GLYATL1: variants seen among roughly 807,000 people sequenced by gnomAD.
GLYATL1 encodes the protein glycine-N-acyltransferase like 1, also known as glycine N-acyltransferase-like protein 1.
In GLYATL1, 15 loss-of-function variants were observed where a neutral mutation model predicts 20.0. The observed-to-expected ratio is 0.75, with a 90% CI of 0.50 to 1.15. The LOEUF (loss-of-function observed/expected upper bound fraction) is 1.15, where lower values mean the gene tolerates loss of function less well. Ranked by LOEUF, GLYATL1 falls within the 50% of genes most tolerant of loss-of-function variation. GLYATL1 has a pLI of 0.00. For synonymous variants in GLYATL1, 151 were observed against 131.5 expected (o/e 1.15, Z -1.01); for missense variants, 380 against 368.5 (o/e 1.03, Z -0.26).
chr11:58,931,700 GAAC>G (rs1183543764), intron 1 of GLYATL1, among the ~76,000 whole-genome samples: 1 of 152,004 alleles, frequency 6.6e-6, no homozygotes, highest in Non-Finnish European at 1.5e-5. Context: ...ACAATAAAAT[GAAC>G]AACTCCTGTT....
chr11:58,947,316 G>A (rs1420480336), intron 3 of GLYATL1, 151 bp downstream of exon 3: 1 of 1,099,222 alleles, frequency 9.1e-7, no homozygotes, highest in East Asian at 2.6e-5. Flanking sequence ...CATATCAAGA[G>A]CTGCTGCTTC....
intron 1 of GLYATL1, among the ~76,000 whole-genome samples, chr11:58,931,589 T>C (rs1371402390): frequency 6.6e-6 from 1 of 152,196 alleles, no homozygotes; most frequent in Non-Finnish European, 1.5e-5. Context: ...CCAGATTACA[T>C]ACTTGAATGG....
chr11:58,953,390 G>GTTTTTTTTTTTT (rs377318573), intron 4 of GLYATL1, among the ~76,000 whole-genome samples: 1 of 110,970 alleles, frequency 9.0e-6, no homozygotes, highest in Non-Finnish European at 1.9e-5. Flanking sequence ...CTTACAGTCT[G>GTTTTTTTTTTTT]TTTTTTTTTT....
intron 1 of GLYATL1, among the ~76,000 whole-genome samples, chr11:58,922,568 G>T (rs1267433747): frequency 6.6e-6 from 1 of 152,114 alleles, no homozygotes. Flanking sequence ...CGGTGAGACT[G>T]GGGACATGTA....
rs542883848 is a variant in GLYATL1 at position 58,946,129 on chromosome 11, T to G, written c.-42-917T>G. On this transcript the variant is annotated intron_variant, in intron 2 of 6. Transcript: ENST00000532726. ...ACATTTTTAATTATTTTTACATCAT[T>G]GAATATAATTGCTAAATCTCTATAT... 2.0e-5 allele frequency among the ~76,000 whole-genome samples: 3 copies of G among 152,314 alleles called. No individual in the cohort carries two copies. The South Asian group carries it at 6.2e-4, about 32-fold the overall frequency.
At chr11:58,922,558 C>T (rs986856788) in intron 1 of GLYATL1, among the ~76,000 whole-genome samples, 3 of 152,154 alleles carry the variant, frequency 2.0e-5, no homozygotes, top group African/African-American at 4.8e-5. Flanking sequence ...CCTCCCTCTC[C>T]GGTGAGACTG....
chr11:58,921,679 G>A (rs144547349), intron 1 of GLYATL1, among the ~76,000 whole-genome samples: 74 of 152,290 alleles, frequency 4.9e-4, no homozygotes, highest in African/African-American at 1.7e-3. Context: ...CCCTTGCAAA[G>A]CCAGCTTCTC....
At chr11:58,943,167 T>C (rs2135190028) in intron 1 of GLYATL1, 2 of 1,189,996 alleles carry the variant, frequency 1.7e-6, no homozygotes, top group Non-Finnish European at 1.1e-6. Flanking sequence ...ATTTGAGTCC[T>C]TGTGGGTAAA....
chr11:58,926,406 G>A (rs536311128), upstream of GLYATL1, among the ~76,000 whole-genome samples: 9 of 152,176 alleles, frequency 5.9e-5, no homozygotes, highest in African/African-American at 9.7e-5. Context: ...GGATGTGTAC[G>A]TTGGTCCAGC....
At position 58,955,626 on chromosome 11, in the gene GLYATL1, A is replaced by G; in HGVS notation, c.508A>G (p.Lys170Glu). Residue 170 changes from lysine (K) to glutamate (E), a missense_variant, in exon 7 of 7, where the codon AAG becomes GAG. Physicochemically the swap from Lys to Glu is moderately conservative, Grantham distance 56. Coordinates refer to ENST00000532726, the MANE Select transcript of GLYATL1 (RefSeq NM_001389712.2). The part of the protein sequence containing the change: ...DEFESETPNF[K>E]YAQLDVSYSG... ...TGTCTACAGTGAAACTCCCAACTTT[A>G]AGTATGCCCAGCTGGATGTCTCTTA... 6.2e-7 allele frequency: 1 copy of G among 1,613,752 alleles called. No individual in the cohort carries two copies. The highest frequency in any genetic ancestry group is 8.5e-7 in the Non-Finnish European group (1 of 1,179,724).
At chr11:58,946,424 C>T (rs948960055) in intron 2 of GLYATL1, among the ~76,000 whole-genome samples, 1 of 152,164 alleles carries the variant, frequency 6.6e-6, no homozygotes, top group Non-Finnish European at 1.5e-5. Flanking sequence ...GTGATGATCA[C>T]CTTCTCCAAG....
downstream of GLYATL1, among the ~76,000 whole-genome samples, chr11:58,909,895 C>A (rs693371): frequency 6.6e-6 from 1 of 152,178 alleles, no homozygotes; most frequent in Non-Finnish European, 1.5e-5. Context: ...ATTTCTTCAA[C>A]GGCTTGTTTG....
chr11:58,956,206 T>A lies in GLYATL1; in HGVS notation c.*179T>A, dbSNP rs1857410237. ...CATGCTCTTGAGGAGCTTACAATCC[T>A]GGCTGGAGGCAGGGGAGGGTATATT... is the stretch of plus-strand genomic sequence containing the variant. On this transcript the variant is annotated 3_prime_UTR_variant, in exon 7 of 7. Transcript: ENST00000532726. 3.2e-6 allele frequency: 2 copies of A among 622,138 alleles called. No homozygotes were observed. Among genetic ancestry groups the A allele is most frequent in the South Asian group, 2.1e-5 (1 of 46,686 alleles). The allele number at this position is 622,138 out of a possible 1,614,324, so 38.5% of individuals were successfully genotyped here. A position where few individuals can be genotyped will look rare whatever the true frequency, so the allele number is the denominator to read the frequency against.
rs776050937 is a variant in GLYATL1 at position 58,955,569 on chromosome 11, T to C, written c.492-41T>C. The C allele has an allele frequency of 3.1e-6, 5 of 1,591,104 alleles. No homozygotes were observed. In the East Asian group the frequency reaches 1.1e-4, roughly 36 times the overall value. ...GGGATGGCACCTAGAAATTACAGGA[T>C]TGGGGATGAAAGTTGTTGTCTTTCT... On this transcript the variant is annotated intron_variant, in intron 6 of 6. Transcript: ENST00000532726.
intron 4 of GLYATL1, among the ~76,000 whole-genome samples, chr11:58,949,402 T>A (rs1565132807): frequency 6.6e-6 from 1 of 152,208 alleles, no homozygotes; most frequent in African/African-American, 2.4e-5. Context: ...GTTCTTTTGA[T>A]CTCCTGGCTT....
At chr11:58,912,838 C>T (rs1440130279), downstream of GLYATL1, among the ~76,000 whole-genome samples, 1 of 152,152 alleles carries the variant, frequency 6.6e-6, no homozygotes, top group Non-Finnish European at 1.5e-5. Flanking sequence ...GTGGACCTTA[C>T]GTTTTAAACA....
At chr11:58,912,584 A>T (rs569354891), downstream of GLYATL1, among the ~76,000 whole-genome samples, 1 of 152,340 alleles carries the variant, frequency 6.6e-6, no homozygotes, top group South Asian at 2.1e-4. Flanking sequence ...TGAAAACTGG[A>T]TGGTCAAGAT....
At chr11:58,908,779 A>T (rs1438864337), downstream of GLYATL1, among the ~76,000 whole-genome samples, 2 of 152,228 alleles carry the variant, frequency 1.3e-5, no homozygotes, top group East Asian at 3.8e-4. Flanking sequence ...AACAAACAAT[A>T]TGGACACTTA....
At chr11:58,913,489 A>C (rs1307253841), downstream of GLYATL1, among the ~76,000 whole-genome samples, 1 of 152,192 alleles carries the variant, frequency 6.6e-6, no homozygotes, top group East Asian at 1.9e-4. Context: ...CACAGTGGTG[A>C]GTACATAGTA....
Sources: allele counts gnomAD v4.1 joint callset (sites outside exome capture counted in the v4.1 genomes callset), GRCh38; gene constraint gnomAD v4.1.1; transcripts MANE v1.5; gene names NCBI Gene and HGNC (gene_info 2026-07-23, HGNC 2026-07-21).